CORIN: variants seen among roughly 807,000 people sequenced by gnomAD.
CORIN encodes corin, serine peptidase.
CORIN carries 117 observed loss-of-function variants against 125.3 expected under a neutral mutation model. The observed-to-expected ratio is 0.93, with a 90% CI of 0.80 to 1.09. CORIN has a LOEUF of 1.09. Ranked by LOEUF, CORIN falls within the 50% of genes least tolerant of loss-of-function variation. The pLI is 0.00. For missense variants in CORIN, 1,253 were observed against 1,306.7 expected (o/e 0.96, Z 0.63); for synonymous variants, 450 against 466.4 (o/e 0.96, Z 0.45).
intron 19 of CORIN, among the ~76,000 whole-genome samples, chr4:47,610,495 T>TAA (rs768573476): frequency 1.3e-4 from 20 of 152,274 alleles, no homozygotes; most frequent in Non-Finnish European, 2.4e-4. Flanking sequence ...CTCTAGATAC[T>TAA]AAACCTTTGT....
intron 21 of CORIN, among the ~76,000 whole-genome samples, chr4:47,598,809 G>A (rs901031839): frequency 6.6e-6 from 1 of 152,086 alleles, no homozygotes; most frequent in Non-Finnish European, 1.5e-5. Flanking sequence ...ATTAGAAAGC[G>A]TTTTGCAGAG....
intron 5 of CORIN, among the ~76,000 whole-genome samples, chr4:47,720,594 A>G (rs776281219): frequency 3.9e-5 from 6 of 152,166 alleles, no homozygotes; most frequent in Non-Finnish European, 7.4e-5. Context: ...TGCTATTTTT[A>G]TATACATCTA....
chr4:47,683,518 C>T (rs941221954), intron 7 of CORIN: 5 of 427,484 alleles, frequency 1.2e-5, no homozygotes, highest in Non-Finnish European at 2.1e-5. Flanking sequence ...ACTTCTTAAA[C>T]ATTTTCTTAA....
chr4:47,830,525 A>C (rs191260084), intron 1 of CORIN, among the ~76,000 whole-genome samples: 1 of 152,306 alleles, frequency 6.6e-6, no homozygotes. Flanking sequence ...AAGCTTCACA[A>C]GTGCATGAAT....
intron 8 of CORIN, 54 bp from the exon 9 acceptor site, chr4:47,678,108 C>A (rs1343246929): frequency 8.0e-7 from 1 of 1,245,178 alleles, no homozygotes; most frequent in Admixed American, 1.7e-5. Context: ...CTCTCTCAAT[C>A]TGCACATCAA....
chr4:47,657,286 C>A (rs186491763), intron 12 of CORIN, among the ~76,000 whole-genome samples: 14 of 152,254 alleles, frequency 9.2e-5, no homozygotes, highest in African/African-American at 2.6e-4. Flanking sequence ...GTAATCCCAG[C>A]ACTTTGGGAG....
Position 47,626,472 on chromosome 4 carries a change from A to C in CORIN, c.2248T>G (p.Trp750Gly). Residue 750 changes from tryptophan (W) to glycine (G), a missense_variant, in exon 17 of 22, where the codon TGG becomes GGG. Transcript: ENST00000273857. ...TCCCAGTTGGAGTGTAATGTCAGCC[A>C]CCGCGGCTCTTTCTCCTGTTCCTGT... ...LIQEQEKEPR[W>G]LTLHSNWESL... 6.2e-7 allele frequency: 1 copy of C among 1,614,070 alleles called. No individual in the cohort carries two copies. The highest frequency in any genetic ancestry group is 8.5e-7 in the Non-Finnish European group (1 of 1,179,958).
At chr4:47,684,846 G>T (rs887279418) in intron 6 of CORIN, among the ~76,000 whole-genome samples, 1 of 151,936 alleles carries the variant, frequency 6.6e-6, no homozygotes, top group Non-Finnish European at 1.5e-5. Context: ...CTTCATGAAA[G>T]ACATAAAAAC....
chr4:47,757,312 G>T lies in CORIN; in HGVS notation c.617+6067C>A, dbSNP rs1729194676. On this transcript the variant is annotated intron_variant, in intron 4 of 21. Coordinates refer to ENST00000273857, the MANE Select transcript of CORIN (RefSeq NM_006587.4). ...AAATTAAATATAATAATAAATGCAGGGCCAGGAGTGGTGGCTCACACCTGT... is the reference window on the plus strand; with the variant it reads ...AAATTAAATATAATAATAAATGCAGTGCCAGGAGTGGTGGCTCACACCTGT... Among the ~76,000 whole-genome samples, 3 of 152,046 alleles carry T rather than the reference G, an allele frequency of 2.0e-5. No homozygotes were observed. In the South Asian group the frequency reaches 6.2e-4, roughly 32 times the overall value.
chr4:47,744,590 A>C lies in CORIN; in HGVS notation c.618-7T>G. On this transcript the variant is annotated splice_region_variant and splice_polypyrimidine_tract_variant and intron_variant, in intron 4 of 21. Transcript: ENST00000273857. ...ACAGGGCAGGAGTCCATGACTAAAA[A>C]AAAAAAAAGAGAAAGGTGAAAATTA... 6.4e-7 allele frequency: 1 copy of C among 1,562,464 alleles called. No individual in the cohort carries two copies. Among genetic ancestry groups the C allele is most frequent in the Non-Finnish European group, 8.6e-7 (1 of 1,160,078 alleles).
intron 19 of CORIN, among the ~76,000 whole-genome samples, chr4:47,604,421 A>G (rs575476381): frequency 6.6e-6 from 1 of 152,098 alleles, no homozygotes; most frequent in African/African-American, 2.4e-5. Flanking sequence ...GGTGACCCCA[A>G]ATGTATATCT....
chr4:47,709,394 A>G (rs1204636556), intron 5 of CORIN, among the ~76,000 whole-genome samples: 1 of 152,100 alleles, frequency 6.6e-6, no homozygotes, highest in African/African-American at 2.4e-5. Flanking sequence ...CCCAGGCTCA[A>G]GCAATCTTCC....
At chr4:47,801,469 C>A (rs1265781251) in intron 2 of CORIN, among the ~76,000 whole-genome samples, 1 of 152,188 alleles carries the variant, frequency 6.6e-6, no homozygotes, top group Non-Finnish European at 1.5e-5. Context: ...ATACAAGAAT[C>A]AAAAATCAGG....
At chr4:47,597,483 G>A (rs144965120) in intron 21 of CORIN, among the ~76,000 whole-genome samples, 212 of 152,188 alleles carry the variant, frequency 1.4e-3, no homozygotes, top group African/African-American at 4.9e-3. Flanking sequence ...GAACTTGCAA[G>A]GAGCTGAATT....
chr4:47,610,834 T>A (rs1721840265), intron 19 of CORIN, among the ~76,000 whole-genome samples: 1 of 152,176 alleles, frequency 6.6e-6, no homozygotes, highest in African/African-American at 2.4e-5. Flanking sequence ...CCCAGCACCA[T>A]TTATTAAATA....
At chr4:47,613,310 G>T (rs191639533) in intron 19 of CORIN, among the ~76,000 whole-genome samples, 1 of 152,096 alleles carries the variant, frequency 6.6e-6, no homozygotes, top group Admixed American at 6.5e-5. Flanking sequence ...AAAATTAGCC[G>T]AGTGTGGTGG....
At chr4:47,628,989 G>C (rs1358617877) in intron 16 of CORIN, among the ~76,000 whole-genome samples, 1 of 152,122 alleles carries the variant, frequency 6.6e-6, no homozygotes, top group Admixed American at 6.5e-5. Flanking sequence ...ATTATGAAGA[G>C]TGCTGCAATT....
intron 5 of CORIN, among the ~76,000 whole-genome samples, chr4:47,732,547 C>G (rs1394047563): frequency 6.6e-6 from 1 of 151,502 alleles, no homozygotes; most frequent in Non-Finnish European, 1.5e-5. Context: ...ACTATGGTAG[C>G]TGGTTTAGTA....
At chr4:47,646,043 C>CAAAAAAAA (rs1165408037) in intron 13 of CORIN, among the ~76,000 whole-genome samples, 2 of 98,526 alleles carry the variant, frequency 2.0e-5, no homozygotes, top group East Asian at 3.1e-4. Flanking sequence ...CCACCTGTCT[C>CAAAAAAAA]AAAAAAAAAA....
Sources: gnomAD v4.1 joint callset for allele counts (sites outside exome capture counted in the v4.1 genomes callset) on GRCh38, gnomAD v4.1.1 for gene constraint, MANE v1.5 for transcripts, NCBI Gene and HGNC (gene_info 2026-07-23, HGNC 2026-07-21) for gene names.